Variants in OR1F1 observed in about 807,000 individuals in gnomAD.
OR1F1 encodes olfactory receptor 1F1.
For synonymous variants in OR1F1, 184 were observed against 156.7 expected, an observed-to-expected ratio of 1.17 and a Z score of -1.30; for missense variants, 493 against 376.3, an observed-to-expected ratio of 1.31 and a Z score of -2.57.
chr16:3,191,994 G>C, the OR1F1 span, among the ~76,000 whole-genome samples: 1 of 152,140 alleles, frequency 6.6e-6, no homozygotes. Flanking sequence ...GCTGTGGCTC[G>C]TTGGTCTAGG....
the OR1F1 span, chr16:3,189,919 T>G: frequency 6.6e-6 from 1 of 152,250 alleles, no homozygotes; most frequent in Non-Finnish European, 1.5e-5. Context: ...AGCTATTTTT[T>G]TTGTCGTTTG....
chr16:3,189,216 A>G, the OR1F1 span, among the ~76,000 whole-genome samples: 2 of 152,126 alleles, frequency 1.3e-5, no homozygotes, highest in African/African-American at 4.8e-5. Context: ...TTGAACACCC[A>G]TTGGTGCCAC....
At chr16:3,201,234 C>T (rs1467552928), upstream of OR1F1, among the ~76,000 whole-genome samples, 1 of 152,156 alleles carries the variant, frequency 6.6e-6, no homozygotes, top group Non-Finnish European at 1.5e-5. Context: ...TTGATGGATA[C>T]TTGTGTTATT....
At chr16:3,194,272 T>C in the OR1F1 span, among the ~76,000 whole-genome samples, 1 of 152,138 alleles carries the variant, frequency 6.6e-6, no homozygotes, top group South Asian at 2.1e-4. Flanking sequence ...GGTTTTCTGT[T>C]TTGGTTTGTT....
chr16:3,194,060 A>T, the OR1F1 span, among the ~76,000 whole-genome samples: 1 of 152,186 alleles, frequency 6.6e-6, no homozygotes, highest in Non-Finnish European at 1.5e-5. Context: ...GCATGGAGAC[A>T]CATAAGTAGA....
At chr16:3,188,826 T>A in the OR1F1 span, among the ~76,000 whole-genome samples, 1 of 152,318 alleles carries the variant, frequency 6.6e-6, no homozygotes, top group South Asian at 2.1e-4. Flanking sequence ...GCCCGACGCC[T>A]GCTGCCCCAC....
At chr16:3,193,923 A>C in the OR1F1 span, among the ~76,000 whole-genome samples, 1 of 152,150 alleles carries the variant, frequency 6.6e-6, no homozygotes, top group Non-Finnish European at 1.5e-5. Flanking sequence ...TAACTGCCCC[A>C]GTGGCCTGAT....
At chr16:3,193,548 A>G in the OR1F1 span, among the ~76,000 whole-genome samples, 2 of 152,158 alleles carry the variant, frequency 1.3e-5, no homozygotes, top group Admixed American at 6.5e-5. Context: ...CTCGTTCACT[A>G]TGGCGTCCCC....
At chr16:3,196,065 CG>C in the OR1F1 span, among the ~76,000 whole-genome samples, 1 of 152,252 alleles carries the variant, frequency 6.6e-6, no homozygotes, top group Non-Finnish European at 1.5e-5. Flanking sequence ...CAGGACCCAG[CG>C]AGCAGTTGGT....
At chr16:3,199,335 A>G (rs1047808654), upstream of OR1F1, among the ~76,000 whole-genome samples, 1 of 151,568 alleles carries the variant, frequency 6.6e-6, no homozygotes, top group African/African-American at 2.4e-5. Flanking sequence ...GATGAAAATA[A>G]AAATATATAA....
the OR1F1 span, among the ~76,000 whole-genome samples, chr16:3,188,665 G>T: frequency 6.6e-6 from 1 of 152,134 alleles, no homozygotes; most frequent in African/African-American, 2.4e-5. Context: ...AGACCCCGGG[G>T]CCTTCCCACT....
chr16:3,205,002 C>T (rs757455197), exon 1 of OR1F1: 9 of 1,614,070 alleles, frequency 5.6e-6, no homozygotes, highest in Non-Finnish European at 7.6e-6. Context: ...TCCTCTTCTA[C>T]AGCACCATCA....
chr16:3,204,663 G>T, exon 1 of OR1F1: 12 of 1,614,162 alleles, frequency 7.4e-6, no homozygotes, highest in Non-Finnish European at 9.3e-6. Context: ...TGACCCATCA[G>T]CTCTGTGCCC....
the OR1F1 span, among the ~76,000 whole-genome samples, chr16:3,191,600 AG>A: frequency 0.24 from 36,823 of 151,822 alleles, 4,559 homozygotes; most frequent in African/African-American, 0.29. Context: ...GCTACCTTGG[AG>A]TTCTGGAAAC....
At chr16:3,191,767 G>C in the OR1F1 span, among the ~76,000 whole-genome samples, 2 of 152,080 alleles carry the variant, frequency 1.3e-5, no homozygotes, top group African/African-American at 4.8e-5. Context: ...CCAGCCAGGG[G>C]CAGAGGGGCG....
At chr16:3,194,112 G>A in the OR1F1 span, among the ~76,000 whole-genome samples, 1 of 152,152 alleles carries the variant, frequency 6.6e-6, no homozygotes, top group African/African-American at 2.4e-5. Context: ...GAATTTGGAA[G>A]AAAAACAGGG....
the OR1F1 span, among the ~76,000 whole-genome samples, chr16:3,194,587 G>C: frequency 6.6e-6 from 1 of 152,316 alleles, no homozygotes; most frequent in African/African-American, 2.4e-5. Context: ...TGAGGCCCCA[G>C]ATGTTTGTGT....
At chr16:3,199,451 G>A (rs775666305), upstream of OR1F1, among the ~76,000 whole-genome samples, 5 of 151,712 alleles carry the variant, frequency 3.3e-5, no homozygotes, top group Non-Finnish European at 5.9e-5. Flanking sequence ...AAGACCAGTC[G>A]AGACCAGCCT....
At chr16:3,199,862 A>T (rs1185356728), upstream of OR1F1, among the ~76,000 whole-genome samples, 2 of 151,978 alleles carry the variant, frequency 1.3e-5, no homozygotes, top group East Asian at 3.9e-4. Flanking sequence ...CTAAAAATAC[A>T]AAATTAGCTG....
Sources: allele counts gnomAD v4.1 joint callset (sites outside exome capture counted in the v4.1 genomes callset), GRCh38; gene constraint gnomAD v4.1.1; transcripts MANE v1.5; gene names NCBI Gene and HGNC (gene_info 2026-07-23, HGNC 2026-07-21).